ARK2C: variants seen among roughly 807,000 people sequenced by gnomAD.
The protein encoded by ARK2C is arkadia (RNF111) C-terminal like ring finger ubiquitin ligase 2C, also known as E3 ubiquitin-protein ligase ARK2C.
the ARK2C span, among the ~76,000 whole-genome samples, chr18:46,391,476 G>A: frequency 6.6e-6 from 1 of 152,094 alleles, no homozygotes; most frequent in Non-Finnish European, 1.5e-5. Context: ...TCCACCCTCA[G>A]TGTCCTCATC....
At chr18:46,357,795 G>T in the ARK2C span, among the ~76,000 whole-genome samples, 4 of 152,238 alleles carry the variant, frequency 2.6e-5, no homozygotes, top group Middle Eastern at 3.2e-3. Flanking sequence ...GACAACAGAA[G>T]TGTTCTCTGA....
chr18:46,460,128 C>G, the ARK2C span: 1 of 152,730 alleles, frequency 6.5e-6, no homozygotes, highest in Non-Finnish European at 1.5e-5. Flanking sequence ...ATGTTCCCAG[C>G]CTCCGTGCAA....
chr18:46,447,825 C>T, the ARK2C span: 2 of 1,019,226 alleles, frequency 2.0e-6, no homozygotes, highest in Non-Finnish European at 3.0e-6. Flanking sequence ...CCCCGGCTTC[C>T]ACATGACCCA....
At chr18:46,385,694 C>T in the ARK2C span, 1 of 152,312 alleles carries the variant, frequency 6.6e-6, no homozygotes, top group Non-Finnish European at 1.5e-5. Flanking sequence ...CCAGCTCTTC[C>T]CAGAGCTTCT....
chr18:46,367,715 AG>A, the ARK2C span, among the ~76,000 whole-genome samples: 1 of 152,214 alleles, frequency 6.6e-6, no homozygotes, highest in South Asian at 2.1e-4. Context: ...CCCCACCAGT[AG>A]CCTGTGACTT....
the ARK2C span, among the ~76,000 whole-genome samples, chr18:46,398,618 T>C: frequency 6.6e-6 from 1 of 151,844 alleles, no homozygotes; most frequent in African/African-American, 2.4e-5. Flanking sequence ...GGGCTGGAGT[T>C]GGGCTGACAC....
At chr18:46,373,606 C>T in the ARK2C span, among the ~76,000 whole-genome samples, 3 of 152,204 alleles carry the variant, frequency 2.0e-5, no homozygotes, top group South Asian at 2.1e-4. Context: ...TCCCCAGTGA[C>T]GTTGAGGCTG....
At chr18:46,344,570 G>A in the ARK2C span, among the ~76,000 whole-genome samples, 2 of 152,188 alleles carry the variant, frequency 1.3e-5, no homozygotes, top group African/African-American at 2.4e-5. Flanking sequence ...TCCTTAAGCC[G>A]AAGGATGGCC....
At chr18:46,374,203 T>C in the ARK2C span, among the ~76,000 whole-genome samples, 31 of 152,310 alleles carry the variant, frequency 2.0e-4, no homozygotes, top group Middle Eastern at 3.4e-3. Context: ...GCCTTTTTTT[T>C]CCACCAAAAT....
At chr18:46,428,226 T>C in the ARK2C span, among the ~76,000 whole-genome samples, 3 of 152,020 alleles carry the variant, frequency 2.0e-5, no homozygotes, top group South Asian at 2.1e-4. Context: ...CTGGCCAACA[T>C]GGTGAAACCC....
chr18:46,428,888 G>A, the ARK2C span, among the ~76,000 whole-genome samples: 487 of 152,254 alleles, frequency 3.2e-3, 4 homozygotes, highest in African/African-American at 0.011. Flanking sequence ...GACAGTGCTG[G>A]GTGAGAGTCT....
chr18:46,348,650 T>C, the ARK2C span, among the ~76,000 whole-genome samples: 1 of 152,122 alleles, frequency 6.6e-6, no homozygotes, highest in Admixed American at 6.5e-5. Flanking sequence ...AGTAGGGGCT[T>C]AGGGCAGCAT....
chr18:46,423,525 G>A, the ARK2C span, among the ~76,000 whole-genome samples: 3 of 152,200 alleles, frequency 2.0e-5, no homozygotes, highest in South Asian at 2.1e-4. Context: ...ATTTCCATTC[G>A]GCAAGCCACC....
At chr18:46,456,473 T>G in the ARK2C span, 1 of 1,359,942 alleles carries the variant, frequency 7.4e-7, no homozygotes, top group South Asian at 1.2e-5. Flanking sequence ...CCGCTCAGTG[T>G]CCCTCAGCTC....
At chr18:46,344,232 G>A in the ARK2C span, among the ~76,000 whole-genome samples, 1 of 152,194 alleles carries the variant, frequency 6.6e-6, no homozygotes, top group Admixed American at 6.5e-5. Context: ...CTGAGGCTGG[G>A]AGGAAGTGAG....
the ARK2C span, among the ~76,000 whole-genome samples, chr18:46,389,459 G>T: frequency 1.2e-4 from 18 of 152,252 alleles, no homozygotes; most frequent in East Asian, 3.5e-3. Context: ...TTGTAGGCAC[G>T]GAAGTATATG....
the ARK2C span, among the ~76,000 whole-genome samples, chr18:46,431,231 T>C: frequency 6.6e-6 from 1 of 152,240 alleles, no homozygotes; most frequent in Non-Finnish European, 1.5e-5. Context: ...TTCTCTGAGT[T>C]CATTTTTAAA....
the ARK2C span, among the ~76,000 whole-genome samples, chr18:46,388,660 G>A: frequency 2.0e-5 from 3 of 152,154 alleles, no homozygotes; most frequent in Non-Finnish European, 4.4e-5. Context: ...GGTTCCTCAA[G>A]ACATGAAGAA....
At chr18:46,389,760 A>G in the ARK2C span, among the ~76,000 whole-genome samples, 1 of 151,464 alleles carries the variant, frequency 6.6e-6, no homozygotes, top group Non-Finnish European at 1.5e-5. Flanking sequence ...ACAAGGTCTC[A>G]CACTGTCACC....
Sources: gnomAD v4.1 joint callset for allele counts (sites outside exome capture counted in the v4.1 genomes callset) on GRCh38, gnomAD v4.1.1 for gene constraint, MANE v1.5 for transcripts, NCBI Gene and HGNC (gene_info 2026-07-23, HGNC 2026-07-21) for gene names.